The following SMOC2 variants were observed in gnomAD, a reference collection of about 807,000 sequenced individuals.
SMOC2 encodes SPARC related modular calcium binding 2.
SMOC2 carries 39 observed loss-of-function variants against 61.4 expected under a neutral mutation model. The ratio of observed to expected loss-of-function variants is 0.64; its 90% CI spans 0.49 to 0.83. The LOEUF is 0.83. SMOC2 is among the 40% of genes least tolerant of loss of function. The pLI, the probability that SMOC2 is intolerant of heterozygous loss-of-function variation, is 0.00. For synonymous variants in SMOC2, 247 were observed against 239.9 expected (o/e 1.03, Z -0.27); for missense variants, 556 against 592.9 (o/e 0.94, Z 0.65).
At chr6:168,530,332 G>C (rs1162568097) in intron 4 of SMOC2, among the ~76,000 whole-genome samples, 1 of 152,090 alleles carries the variant, frequency 6.6e-6, no homozygotes, top group Non-Finnish European at 1.5e-5. Context: ...ATAGGAAATG[G>C]ATTCCTTTAT....
At chr6:168,595,727 C>T (rs748524757) in intron 7 of SMOC2, among the ~76,000 whole-genome samples, 7 of 152,200 alleles carry the variant, frequency 4.6e-5, no homozygotes, top group Non-Finnish European at 7.3e-5. Context: ...TAAACATACA[C>T]GAAGTTTCTT....
chr6:168,644,652 T>TTC (rs1331260655), intron 9 of SMOC2, among the ~76,000 whole-genome samples: 1 of 138,034 alleles, frequency 7.2e-6, no homozygotes, highest in African/African-American at 3.0e-5. Flanking sequence ...TTCTTTTTTT[T>TTC]TTTTTTTTTT....
chr6:168,617,486 A>G (rs1443400810), intron 9 of SMOC2, among the ~76,000 whole-genome samples: 3 of 152,092 alleles, frequency 2.0e-5, no homozygotes, highest in Non-Finnish European at 2.9e-5. Flanking sequence ...AGCTGGAGCT[A>G]TAGTTTCTCC....
At chr6:168,601,059 T>C (rs1340171518) in intron 8 of SMOC2, among the ~76,000 whole-genome samples, 2 of 152,276 alleles carry the variant, frequency 1.3e-5, no homozygotes, top group Non-Finnish European at 2.9e-5. Context: ...TTATCAAATG[T>C]AGCCGCTGAT....
intron 7 of SMOC2, among the ~76,000 whole-genome samples, chr6:168,571,530 C>T (rs1281289992): frequency 6.6e-6 from 1 of 152,116 alleles, no homozygotes; most frequent in Non-Finnish European, 1.5e-5. Context: ...CGCTTTTCCA[C>T]GGCGTGGTGT....
intron 9 of SMOC2, among the ~76,000 whole-genome samples, chr6:168,622,204 G>C (rs1786266239): frequency 6.6e-6 from 1 of 152,014 alleles, no homozygotes; most frequent in Non-Finnish European, 1.5e-5. Flanking sequence ...CTGACCTCCT[G>C]ATCCACCCGC....
chr6:168,495,056 A>G (rs1270089546), intron 1 of SMOC2, among the ~76,000 whole-genome samples: 2 of 152,176 alleles, frequency 1.3e-5, no homozygotes, highest in Non-Finnish European at 2.9e-5. Context: ...TGCTCACACC[A>G]TGACCCTTCT....
chr6:168,632,871 C>T (rs1408422889), intron 9 of SMOC2, among the ~76,000 whole-genome samples: 9 of 152,200 alleles, frequency 5.9e-5, no homozygotes, highest in Admixed American at 2.0e-4. Flanking sequence ...GATGTGAATT[C>T]GCTGACCTCT....
At chr6:168,665,502 T>C (rs116124857) in intron 12 of SMOC2, among the ~76,000 whole-genome samples, 7 of 152,346 alleles carry the variant, frequency 4.6e-5, no homozygotes, top group African/African-American at 1.4e-4. Flanking sequence ...ACAGGAACTA[T>C]CAAAAGAAGG....
chr6:168,515,346 C>T (rs1783104255), intron 2 of SMOC2, among the ~76,000 whole-genome samples: 1 of 152,156 alleles, frequency 6.6e-6, no homozygotes, highest in South Asian at 2.1e-4. Flanking sequence ...AATCAGTCTG[C>T]GGAGAGACTG....
At chr6:168,644,078 G>C (rs1408977260) in intron 9 of SMOC2, among the ~76,000 whole-genome samples, 1 of 152,206 alleles carries the variant, frequency 6.6e-6, no homozygotes, top group Non-Finnish European at 1.5e-5. Context: ...TAGAAGGAGT[G>C]GTCTGTTTCG....
intron 1 of SMOC2, among the ~76,000 whole-genome samples, chr6:168,489,938 T>C (rs1230017577): frequency 6.6e-6 from 1 of 152,062 alleles, no homozygotes; most frequent in Non-Finnish European, 1.5e-5. Context: ...GAGTGAAATA[T>C]ATCGAATCAT....
At chr6:168,632,964 C>T (rs1359362099) in intron 9 of SMOC2, among the ~76,000 whole-genome samples, 4 of 152,168 alleles carry the variant, frequency 2.6e-5, no homozygotes, top group Non-Finnish European at 5.9e-5. Context: ...GCGGCTTCCC[C>T]CTTCCCCAGG....
chr6:168,615,106 C>T (rs1583162379), intron 9 of SMOC2, among the ~76,000 whole-genome samples: 1 of 63,104 alleles, frequency 1.6e-5, no homozygotes, highest in African/African-American at 6.5e-5. Flanking sequence ...CACCTACAGC[C>T]AGCACAGGGG....
intron 5 of SMOC2, among the ~76,000 whole-genome samples, chr6:168,546,835 T>C (rs1784015001): frequency 6.6e-6 from 1 of 152,256 alleles, no homozygotes; most frequent in African/African-American, 2.4e-5. Flanking sequence ...ATCTGCCCTA[T>C]GGCCTGTGAT....
At chr6:168,519,201 G>A (rs1253052231) in intron 2 of SMOC2, among the ~76,000 whole-genome samples, 1 of 132,984 alleles carries the variant, frequency 7.5e-6, no homozygotes, top group African/African-American at 2.6e-5. Context: ...GTATGTGTGT[G>A]TATGCATGCG....
At chr6:168,584,480 A>G (rs1481543921) in intron 7 of SMOC2, among the ~76,000 whole-genome samples, 1 of 152,178 alleles carries the variant, frequency 6.6e-6, no homozygotes, top group Non-Finnish European at 1.5e-5. Flanking sequence ...TTTAAATCAC[A>G]TTAGTGGTAA....
At chr6:168,587,506 C>T (rs9455667) in intron 7 of SMOC2, among the ~76,000 whole-genome samples, 34,445 of 152,166 alleles carry the variant, frequency 0.23, 4,155 homozygotes, top group South Asian at 0.29. Context: ...ACTTCTTAAG[C>T]AGATATGAGA....
In SMOC2 at chr6:168,512,552, T is replaced by C. The variant is rs568755910; in HGVS notation, c.256+2466T>C. Among the ~76,000 whole-genome samples, 233 of 152,332 alleles carry C rather than the reference T, an allele frequency of 1.5e-3. 2 individuals are homozygous for C. Among genetic ancestry groups the C allele is most frequent in the Admixed American group, 7.1e-3 (108 of 15,304 alleles). ...GTAAAAAATTATTTGATTCATACTT[T>C]AAATAAATGAAGTGCAGTGGCAGTA... On this transcript the variant is annotated intron_variant, in intron 2 of 12. Transcript: ENST00000356284.
Sources: allele counts gnomAD v4.1 joint callset (sites outside exome capture counted in the v4.1 genomes callset), GRCh38; gene constraint gnomAD v4.1.1; transcripts MANE v1.5; gene names NCBI Gene and HGNC (gene_info 2026-07-23, HGNC 2026-07-21).